FGFR3: variants seen among roughly 807,000 people sequenced by gnomAD.
The protein encoded by FGFR3 is fibroblast growth factor receptor 3.
In FGFR3, 25 loss-of-function variants were observed where a neutral mutation model predicts 82.9. That is an observed-to-expected ratio of 0.30 (90% CI 0.22 to 0.42). FGFR3 has a LOEUF of 0.42. FGFR3 is among the 10% of genes least tolerant of loss of function. The pLI is 1.00. For missense variants in FGFR3, 1,026 were observed against 1,161.0 expected (o/e 0.88, Z 1.69); for synonymous variants, 620 against 516.0 (o/e 1.20, Z -2.73).
intron 2 of FGFR3, among the ~76,000 whole-genome samples, chr4:1,796,535 C>T (rs576531249): frequency 1.3e-5 from 2 of 152,258 alleles, no homozygotes; most frequent in African/African-American, 4.8e-5. Flanking sequence ...ACCCCAAAAC[C>T]CAAATAAACC....
chr4:1,799,831 G>T lies in FGFR3; in HGVS notation c.445+19G>T, dbSNP rs750902567. The T allele has an allele frequency of 6.2e-7, 1 of 1,611,932 alleles. No individual in the cohort carries two copies. Among genetic ancestry groups the T allele is most frequent in the Non-Finnish European group, 8.5e-7 (1 of 1,179,586 alleles). ...GACACAGGTAGGAGCAGGGTCCAGGGTTCAGGCCAGCCGGGGTGGGGCCCG... is the reference window on the plus strand; with the variant it reads ...GACACAGGTAGGAGCAGGGTCCAGGTTTCAGGCCAGCCGGGGTGGGGCCCG... On this transcript the variant is annotated intron_variant, in intron 4 of 17. Transcript: ENST00000440486.
At chr4:1,800,442 G>C (rs1403786194) in intron 4 of FGFR3, among the ~76,000 whole-genome samples, 1 of 152,096 alleles carries the variant, frequency 6.6e-6, no homozygotes, top group Non-Finnish European at 1.5e-5. Flanking sequence ...GACATGGGGG[G>C]CAGTTACGAC....
At chr4:1,803,660 C>T (rs376353815) in intron 7 of FGFR3, 32 bp from the exon 8 acceptor site, 101 of 1,608,402 alleles carry the variant, frequency 6.3e-5, no homozygotes, top group Non-Finnish European at 8.0e-5. Flanking sequence ...GCGGTGCTGG[C>T]GCTCGCCTAT....
chr4:1,798,475 C>T (rs1030001158), intron 2 of FGFR3, among the ~76,000 whole-genome samples: 2 of 151,982 alleles, frequency 1.3e-5, no homozygotes, highest in Admixed American at 1.3e-4. Context: ...GTCATGACCG[C>T]CGTGTGGAGC....
In FGFR3 at chr4:1,804,837, C is replaced by T. The variant is rs1391325047; in HGVS notation, c.1280C>T (p.Ser427Phe). 6.5e-7 allele frequency: 1 copy of T among 1,549,740 alleles called. No homozygotes were observed. Among genetic ancestry groups the T allele is most frequent in the African/African-American group, 1.4e-5 (1 of 73,028 alleles). Residue 427 changes from serine to phenylalanine, a missense_variant, in exon 10 of 18, where the codon TCC becomes TTC. Transcript: ENST00000440486. ...FPLKRQVSLESNASMSSNTPL... is the reference protein window; with the variant it reads ...FPLKRQVSLEFNASMSSNTPL... ...TGACCCAAGCAGGTGTCCCTGGAGT[C>T]CAACGCGTCCATGAGCTCCAACACA...
intron 2 of FGFR3, among the ~76,000 whole-genome samples, chr4:1,794,282 G>A (rs1206068227): frequency 1.5e-4 from 23 of 152,252 alleles, no homozygotes; most frequent in Non-Finnish European, 5.9e-5. Flanking sequence ...CCAGGCTGGG[G>A]GTTGGCGTCC....
chr4:1,807,225 CCCCGGCCCCA>C lies in FGFR3; in HGVS notation c.2388_2397del (p.Pro798ValfsTer19). On this transcript the variant is annotated frameshift_variant, in exon 18 of 18. Coordinates refer to ENST00000440486, the MANE Select transcript of FGFR3 (RefSeq NM_000142.5). LOFTEE classifies it high-confidence loss of function. The stretch of plus-strand genomic sequence containing the variant: ...TCCGTGTTTGCCCACGACCTGCTGC[CCCCGGCCCCA>C]CCCAGCAGTGGGGGCTCGCGGACGT... 2 of 1,608,322 alleles carry C rather than the reference CCCCGGCCCCA, an allele frequency of 1.2e-6. No individual in the cohort carries two copies. Among genetic ancestry groups the C allele is most frequent in the Non-Finnish European group, 1.7e-6 (2 of 1,178,402 alleles).
intron 17 of FGFR3, 73 bp downstream of exon 17, chr4:1,807,007 C>T: frequency 1.3e-6 from 2 of 1,554,416 alleles, no homozygotes; most frequent in South Asian, 2.4e-5. Context: ...TCCTGCCCCC[C>T]AGAGTGCTGA....
chr4:1,798,588 C>A (rs1015445280), intron 2 of FGFR3, among the ~76,000 whole-genome samples: 1 of 150,248 alleles, frequency 6.7e-6, no homozygotes, highest in South Asian at 2.1e-4. Flanking sequence ...GACCGGTGAA[C>A]CCGCGCATCG....
chr4:1,801,171 A>C (rs923945679), intron 4 of FGFR3, among the ~76,000 whole-genome samples, 196 bp from the exon 5 acceptor site: 4 of 152,184 alleles, frequency 2.6e-5, no homozygotes, highest in African/African-American at 4.8e-5. Flanking sequence ...GGGAGGGGAC[A>C]CACGGCCCAG....
chr4:1,804,291 G>A (rs371898726), intron 8 of FGFR3, 39 bp from the exon 9 acceptor site: 22 of 1,552,124 alleles, frequency 1.4e-5, no homozygotes, highest in South Asian at 8.6e-5. Context: ...CCCGTGGGGG[G>A]GGGGGCCAGG....
chr4:1,804,137 C>G (rs374987131), intron 8 of FGFR3, among the ~76,000 whole-genome samples, 193 bp from the exon 9 acceptor site: 1 of 152,346 alleles, frequency 6.6e-6, no homozygotes, highest in Admixed American at 6.5e-5. Flanking sequence ...CTCTGCTGGG[C>G]TCCTTCTCTC....
chr4:1,805,310 G>A (rs1459346538), intron 10 of FGFR3, 45 bp from the exon 11 acceptor site: 3 of 1,605,408 alleles, frequency 1.9e-6, no homozygotes, highest in Admixed American at 1.7e-5. Flanking sequence ...TGGGCTGAGA[G>A]TGGGCGAGTT....
intron 12 of FGFR3, 39 bp from the exon 13 acceptor site, chr4:1,805,711 C>G: frequency 6.2e-7 from 1 of 1,611,276 alleles, no homozygotes; most frequent in Non-Finnish European, 8.5e-7. Context: ...GGCGGCCCTC[C>G]TGGGCCTGGC....
chr4:1,797,455 G>C (rs1199688279), intron 2 of FGFR3, among the ~76,000 whole-genome samples: 1 of 152,222 alleles, frequency 6.6e-6, no homozygotes, highest in African/African-American at 2.4e-5. Flanking sequence ...GGTGTGGCTG[G>C]CCTGGGGCTG....
intron 7 of FGFR3, chr4:1,803,266 C>A: frequency 1.6e-6 from 1 of 634,254 alleles, no homozygotes; most frequent in Non-Finnish European, 2.4e-6. Flanking sequence ...CCGACCCTTC[C>A]CGCACGCCTG....
Position 1,807,807 on chromosome 4 carries a change from C to G in FGFR3, c.*545C>G. On this transcript the variant is annotated 3_prime_UTR_variant, in exon 18 of 18. Coordinates refer to ENST00000440486, the MANE Select transcript of FGFR3 (RefSeq NM_000142.5). ...CCCTCAGAGACTGAAATTACGGGTA[C>G]CTGAAGATGGGAGCCTTTACCTTTT... 1 of 497,396 alleles carries G rather than the reference C, an allele frequency of 2.0e-6. No homozygotes were observed. The highest frequency in any genetic ancestry group is 3.8e-6 in the Non-Finnish European group (1 of 260,734). 30.8% of individuals were successfully genotyped at this position (497,396 alleles called of 1,614,324 possible).
At chr4:1,804,733 G>GC (rs1291330926) in intron 9 of FGFR3, 91 bp from the exon 10 acceptor site, 36 of 1,496,476 alleles carry the variant, frequency 2.4e-5, no homozygotes, top group East Asian at 1.2e-4. Context: ...AAGTCAGAAC[G>GC]CCCCCCCTTC....
chr4:1,797,771 G>T (rs150215748), intron 2 of FGFR3, among the ~76,000 whole-genome samples: 1 of 152,180 alleles, frequency 6.6e-6, no homozygotes, highest in Non-Finnish European at 1.5e-5. Context: ...CCGGTGGGGC[G>T]AGGGCTCCTT....
Sources: gnomAD v4.1 joint callset for allele counts (sites outside exome capture counted in the v4.1 genomes callset) on GRCh38, gnomAD v4.1.1 for gene constraint, MANE v1.5 for transcripts, NCBI Gene and HGNC (gene_info 2026-07-23, HGNC 2026-07-21) for gene names.